Variants in ASTN2 observed in about 807,000 individuals in gnomAD.
The protein encoded by ASTN2 is astrotactin 2, also known as astrotactin-2.
ASTN2 carries 54 observed loss-of-function variants against 139.8 expected under a neutral mutation model. That is an observed-to-expected ratio of 0.39 (90% CI 0.31 to 0.48). The LOEUF (loss-of-function observed/expected upper bound fraction) is 0.48, where lower values mean the gene tolerates loss of function less well. Among genes scored for constraint, ASTN2 ranks in the 20% least tolerant of loss-of-function variants. The probability of loss-of-function intolerance (pLI) is 0.95; values close to 1 mark genes in which losing one functional copy is unlikely to be tolerated. For missense variants in ASTN2, 1,565 were observed against 1,725.1 expected (o/e 0.91, Z 1.64); for synonymous variants, 756 against 719.5 (o/e 1.05, Z -0.81).
rs375929705 is a variant in ASTN2, at chr9:117,259,672, C to G, written c.630+31654G>C. Among the ~76,000 whole-genome samples, 15 of 152,256 alleles carry G rather than the reference C, an allele frequency of 9.9e-5. No homozygotes were observed. In the East Asian group the frequency reaches 2.7e-3, roughly 27 times the overall value. On this transcript the variant is annotated intron_variant, in intron 2 of 22. Transcript: ENST00000313400. ...TCTACCTATGGCCTAGAAGTCCCTG[C>G]TTTGAGTTGTTCTGCCCTTCCAGAT...
chr9:117,070,964 C>T (rs1407704772), intron 5 of ASTN2, among the ~76,000 whole-genome samples: 10 of 147,870 alleles, frequency 6.8e-5, no homozygotes, highest in South Asian at 4.4e-4. Context: ...AATGTCCTCC[C>T]GTAGCTCAGA....
chr9:116,561,531 C>A (rs1852914948), intron 19 of ASTN2, among the ~76,000 whole-genome samples: 1 of 152,040 alleles, frequency 6.6e-6, no homozygotes, highest in African/African-American at 2.4e-5. Context: ...CAAATTTACA[C>A]CAAGGAGACA....
At chr9:116,488,491 C>A (rs1284044772) in intron 19 of ASTN2, among the ~76,000 whole-genome samples, 1 of 152,076 alleles carries the variant, frequency 6.6e-6, no homozygotes, top group African/African-American at 2.4e-5. Flanking sequence ...ATAAACATCG[C>A]AGTACTATTT....
chr9:116,559,079 T>C (rs1365246321), intron 19 of ASTN2, among the ~76,000 whole-genome samples: 1 of 152,186 alleles, frequency 6.6e-6, no homozygotes, highest in Non-Finnish European at 1.5e-5. Flanking sequence ...CTTTATGTGC[T>C]TCCTTGCCAG....
intron 19 of ASTN2, among the ~76,000 whole-genome samples, chr9:116,530,280 C>A (rs1851288585): frequency 6.6e-6 from 1 of 150,838 alleles, no homozygotes; most frequent in Non-Finnish European, 1.5e-5. Flanking sequence ...ATCTCACTTA[C>A]AAATGAAATC....
intron 16 of ASTN2, among the ~76,000 whole-genome samples, chr9:116,688,343 G>T (rs901394810): frequency 1.3e-5 from 2 of 152,084 alleles, no homozygotes; most frequent in Non-Finnish European, 2.9e-5. Context: ...ACCCTGAGTA[G>T]ATTTGTGGAT....
intron 4 of ASTN2, among the ~76,000 whole-genome samples, chr9:117,120,553 G>A (rs555560468): frequency 2.6e-4 from 39 of 152,220 alleles, no homozygotes; most frequent in African/African-American, 7.2e-4. Context: ...ACTTAGAGTC[G>A]GGGACCAAGG....
intron 6 of ASTN2, among the ~76,000 whole-genome samples, chr9:117,014,320 T>C (rs1434504900): frequency 6.6e-6 from 1 of 152,112 alleles, no homozygotes; most frequent in Non-Finnish European, 1.5e-5. Context: ...GGGTGGGTGA[T>C]AGAACTGCAA....
chr9:116,628,905 G>A (rs1009537216), intron 17 of ASTN2, among the ~76,000 whole-genome samples: 5 of 152,130 alleles, frequency 3.3e-5, no homozygotes, highest in African/African-American at 1.2e-4. Flanking sequence ...TTGACTTCCT[G>A]CCAGCTGGCA....
intron 2 of ASTN2, among the ~76,000 whole-genome samples, chr9:117,266,667 TC>T (rs1302180162): frequency 2.6e-5 from 4 of 152,238 alleles, no homozygotes; most frequent in Non-Finnish European, 5.9e-5. Context: ...GCATTTTTTC[TC>T]CTTCCTTTCA....
At chr9:116,707,946 C>A (rs903857946) in intron 16 of ASTN2, among the ~76,000 whole-genome samples, 17 of 152,244 alleles carry the variant, frequency 1.1e-4, no homozygotes, top group African/African-American at 4.1e-4. Flanking sequence ...TCCCCCATAG[C>A]CATAGCACCC....
intron 20 of ASTN2, among the ~76,000 whole-genome samples, chr9:116,472,761 A>T (rs1403974723): frequency 6.9e-6 from 1 of 145,284 alleles, no homozygotes; most frequent in Non-Finnish European, 1.5e-5. Flanking sequence ...AAAAAAAAAA[A>T]AATAGCCATG....
intron 16 of ASTN2, among the ~76,000 whole-genome samples, chr9:116,696,643 T>C (rs1860867539): frequency 6.6e-6 from 1 of 152,174 alleles, no homozygotes. Flanking sequence ...CAAACTTAGT[T>C]TTTATTTCGT....
chr9:116,699,523 G>A lies in ASTN2; in HGVS notation c.2806+26248C>T. The A allele has an allele frequency of 6.2e-7, 1 of 1,614,212 alleles. No individual in the cohort carries two copies. Among genetic ancestry groups the A allele is most frequent in the Non-Finnish European group, 8.5e-7 (1 of 1,180,040 alleles). Reference sequence around the variant, plus strand: ...CGTGGTGATCTCATCGTGGCTGACAGTAGTCGCAAGGAAATTCTCCATTTT... The same window carrying A: ...CGTGGTGATCTCATCGTGGCTGACAATAGTCGCAAGGAAATTCTCCATTTT... On this transcript the variant is annotated intron_variant, in intron 16 of 22. Transcript: ENST00000313400. This position sits in a 1 kb window ranked among gnomAD's most constrained non-coding sequence, Gnocchi z 4.2.
At chr9:117,065,038 A>G (rs1166622317) in intron 5 of ASTN2, among the ~76,000 whole-genome samples, 1 of 152,170 alleles carries the variant, frequency 6.6e-6, no homozygotes, top group Non-Finnish European at 1.5e-5. Flanking sequence ...GATAGGCCCT[A>G]AAGCCAATGA....
At chr9:116,439,730 A>G (rs1195000887) in intron 22 of ASTN2, among the ~76,000 whole-genome samples, 1 of 152,050 alleles carries the variant, frequency 6.6e-6, no homozygotes, top group East Asian at 1.9e-4. Flanking sequence ...CCCCAACTCA[A>G]ACCTTAGGCA....
intron 5 of ASTN2, among the ~76,000 whole-genome samples, chr9:117,064,272 G>A (rs542690482): frequency 2.4e-4 from 36 of 152,144 alleles, no homozygotes; most frequent in Non-Finnish European, 4.1e-4. Flanking sequence ...CTTCCTCCAA[G>A]CTGCTGCAGT....
At chr9:116,958,913 T>C (rs1163832876) in intron 10 of ASTN2, among the ~76,000 whole-genome samples, 1 of 152,146 alleles carries the variant, frequency 6.6e-6, no homozygotes, top group African/African-American at 2.4e-5. Flanking sequence ...GGAAATGATA[T>C]AACAATTTTT....
chr9:116,703,902 A>T (rs1006859619), intron 16 of ASTN2, among the ~76,000 whole-genome samples: 1 of 152,188 alleles, frequency 6.6e-6, no homozygotes, highest in Non-Finnish European at 1.5e-5. Context: ...AGATGCCTGG[A>T]TGAATTTTAC....
Sources: gnomAD v4.1 joint callset for allele counts (sites outside exome capture counted in the v4.1 genomes callset) on GRCh38, gnomAD v4.1.1 for gene constraint, Gnocchi (gnomAD v3.1) non-coding constraint, MANE v1.5 for transcripts, NCBI Gene and HGNC (gene_info 2026-07-23, HGNC 2026-07-21) for gene names.